Variants in ERBB4 observed in about 807,000 individuals in gnomAD.
ERBB4 encodes receptor tyrosine-protein kinase erbB-4.
In ERBB4, 42 loss-of-function variants were observed where a neutral mutation model predicts 158.0. The ratio of observed to expected loss-of-function variants is 0.27; its 90% CI spans 0.21 to 0.34. The LOEUF is 0.34. Among genes scored for constraint, ERBB4 ranks in the 10% least tolerant of loss-of-function variants. The pLI, the probability that ERBB4 is intolerant of heterozygous loss-of-function variation, is 1.00. For synonymous variants in ERBB4, 583 were observed against 558.7 expected (o/e 1.04, Z -0.61); for missense variants, 1,333 against 1,624.1 (o/e 0.82, Z 3.08).
chr2:211,842,382 T>C (rs1284341461), intron 3 of ERBB4, among the ~76,000 whole-genome samples: 1 of 148,104 alleles, frequency 6.8e-6, no homozygotes, highest in East Asian at 2.0e-4. Flanking sequence ...CATAAATCTG[T>C]AAACACACAA....
intron 20 of ERBB4, among the ~76,000 whole-genome samples, chr2:211,448,828 C>T (rs1279792425): frequency 6.6e-6 from 1 of 152,104 alleles, no homozygotes; most frequent in African/African-American, 2.4e-5. Flanking sequence ...TCTATTGAGA[C>T]AGTTCACTAA....
intron 10 of ERBB4, 26 bp downstream of exon 10, chr2:211,705,292 G>C: frequency 2.0e-6 from 3 of 1,473,244 alleles, no homozygotes; most frequent in Non-Finnish European, 2.8e-6. Context: ...TGTTCATAGC[G>C]CAACAGTTGC....
At chr2:211,590,563 C>T (rs71422748) in intron 19 of ERBB4, among the ~76,000 whole-genome samples, 1 of 151,862 alleles carries the variant, frequency 6.6e-6, no homozygotes, top group African/African-American at 2.4e-5. Context: ...AGACAGGGAC[C>T]CCCCTCCCCA....
intron 1 of ERBB4, among the ~76,000 whole-genome samples, chr2:212,171,748 T>C (rs1427618122): frequency 6.6e-6 from 1 of 152,182 alleles, no homozygotes; most frequent in Non-Finnish European, 1.5e-5. Context: ...CCTCTTCGCC[T>C]TCCACCATGA....
intron 5 of ERBB4, among the ~76,000 whole-genome samples, chr2:211,726,070 G>T (rs1237697557): frequency 6.6e-6 from 1 of 152,068 alleles, no homozygotes; most frequent in Admixed American, 6.6e-5. Flanking sequence ...TATTTTTAGG[G>T]TATTTAAGGT....
At chr2:211,463,919 C>A (rs1372836114) in intron 20 of ERBB4, among the ~76,000 whole-genome samples, 5 of 152,188 alleles carry the variant, frequency 3.3e-5, no homozygotes, top group African/African-American at 1.2e-4. Context: ...GGCCTCCTTA[C>A]TGTGCCTCAA....
chr2:211,826,062 T>C (rs1340430406), intron 3 of ERBB4, among the ~76,000 whole-genome samples: 1 of 151,458 alleles, frequency 6.6e-6, no homozygotes, highest in African/African-American at 2.4e-5. Flanking sequence ...GGAGATCAAT[T>C]TACAATGAGC....
chr2:212,283,340 G>T, intron 1 of ERBB4, among the ~76,000 whole-genome samples: 1 of 151,958 alleles, frequency 6.6e-6, no homozygotes, highest in Non-Finnish European at 1.5e-5. Context: ...GGCACAATTT[G>T]TACGGTAATC....
intron 3 of ERBB4, among the ~76,000 whole-genome samples, chr2:211,889,929 T>C (rs1180543142): frequency 2.3e-5 from 3 of 131,100 alleles, no homozygotes; most frequent in African/African-American, 6.0e-5. Context: ...CTACGTCTGA[T>C]TGGTGTACCT....
At chr2:212,378,173 T>C (rs2090387906) in intron 1 of ERBB4, among the ~76,000 whole-genome samples, 1 of 151,852 alleles carries the variant, frequency 6.6e-6, no homozygotes, top group South Asian at 2.1e-4. Flanking sequence ...TATAATATTA[T>C]GGGACTACCG....
At chr2:211,867,757 A>C (rs2078245620) in intron 3 of ERBB4, among the ~76,000 whole-genome samples, 1 of 152,142 alleles carries the variant, frequency 6.6e-6, no homozygotes, top group Admixed American at 6.5e-5. Flanking sequence ...CAAATCAGCT[A>C]TTAGACTAAA....
At chr2:212,414,568 TC>T (rs1553635770) in intron 1 of ERBB4, among the ~76,000 whole-genome samples, 1 of 152,186 alleles carries the variant, frequency 6.6e-6, no homozygotes, top group Non-Finnish European at 1.5e-5. Flanking sequence ...AAGGCTCCAA[TC>T]TTAGTATTTT....
At position 212,468,755 on chromosome 2, in the gene ERBB4, C is replaced by CT. The variant is rs769699185; in HGVS notation, c.82+69693dup. Among the ~76,000 whole-genome samples the CT allele has an allele frequency of 7.9e-5, 12 of 152,266 alleles. No individual in the cohort carries two copies. The South Asian group carries it at 2.5e-3, about 32-fold the overall frequency. On this transcript the variant is annotated intron_variant, in intron 1 of 27. Transcript: ENST00000342788. ...GGGAGTATATCCTAGGAGAACCGTA[C>CT]TTTTTTTGTGGGCAAGACTGAAAAC... is the stretch of plus-strand genomic sequence containing the variant.
intron 1 of ERBB4, among the ~76,000 whole-genome samples, chr2:212,205,955 C>T (rs2082733441): frequency 6.6e-6 from 1 of 152,202 alleles, no homozygotes; most frequent in Non-Finnish European, 1.5e-5. Flanking sequence ...TTGGTTTCTT[C>T]AAGTATCCTA....
chr2:212,384,193 T>C (rs2106419041), intron 1 of ERBB4, among the ~76,000 whole-genome samples: 1 of 151,784 alleles, frequency 6.6e-6, no homozygotes, highest in South Asian at 2.1e-4. Context: ...ACAGCAATTG[T>C]GACCCTATCT....
chr2:212,301,600 C>T (rs13013797), intron 1 of ERBB4, among the ~76,000 whole-genome samples: 1 of 151,304 alleles, frequency 6.6e-6, no homozygotes, highest in Non-Finnish European at 1.5e-5. Flanking sequence ...TTGGAACTCT[C>T]TCCAGTGTAG....
chr2:212,386,862 ATCTC>A (rs986269404), intron 1 of ERBB4, among the ~76,000 whole-genome samples: 4 of 152,132 alleles, frequency 2.6e-5, no homozygotes, highest in Admixed American at 6.6e-5. Context: ...GAAATTATGG[ATCTC>A]TCTGATTATC....
chr2:212,056,760 C>T (rs1057050561), intron 2 of ERBB4, among the ~76,000 whole-genome samples: 2 of 152,152 alleles, frequency 1.3e-5, no homozygotes, highest in African/African-American at 4.8e-5. Context: ...GCCTGCCCTA[C>T]AGGAGCTCTT....
At position 212,538,642 on chromosome 2, in the gene ERBB4, G is replaced by T. The variant is rs1033387058; in HGVS notation, c.-112C>A. On this transcript the variant is annotated 5_prime_UTR_variant, in exon 1 of 28. Transcript: ENST00000342788. ...CGGGCGCGCGTGGGGGTGCGAGGGG[G>T]GCGGGCGCGGCGCGCGCGGTGTGGC... 2 of 1,088,502 alleles carry T rather than the reference G, an allele frequency of 1.8e-6. No individual in the cohort carries two copies. Among genetic ancestry groups the T allele is most frequent in the Non-Finnish European group, 2.7e-6 (2 of 730,090 alleles). 67.4% of individuals were successfully genotyped at this position (1,088,502 alleles called of 1,614,324 possible). A position where few individuals can be genotyped will look rare whatever the true frequency, so the allele number is the denominator to read the frequency against.
Sources: allele counts gnomAD v4.1 joint callset (sites outside exome capture counted in the v4.1 genomes callset), GRCh38; gene constraint gnomAD v4.1.1; transcripts MANE v1.5; gene names NCBI Gene and HGNC (gene_info 2026-07-23, HGNC 2026-07-21).